Variants in A4GALT observed in about 807,000 individuals in gnomAD.
The protein encoded by A4GALT is lactosylceramide 4-alpha-galactosyltransferase.
For synonymous variants in A4GALT, 257 were observed against 220.7 expected (o/e 1.16, Z -1.46); for missense variants, 512 against 486.0 (o/e 1.05, Z -0.50).
intron 1 of A4GALT, among the ~76,000 whole-genome samples, chr22:42,720,271 C>T (rs28908470): frequency 1.6e-4 from 25 of 151,764 alleles, no homozygotes; most frequent in East Asian, 5.9e-4. Context: ...GGTCCAAATC[C>T]TCACCCTCCC....
intron 1 of A4GALT, among the ~76,000 whole-genome samples, chr22:42,700,089 TA>T (rs1931198929): frequency 6.6e-6 from 1 of 151,970 alleles, no homozygotes; most frequent in East Asian, 1.9e-4. Context: ...GCTCCCGAGG[TA>T]GGGGGCAATC....
chr22:42,716,227 C>A (rs1394325089), intron 1 of A4GALT, among the ~76,000 whole-genome samples: 1 of 152,192 alleles, frequency 6.6e-6, no homozygotes, highest in Non-Finnish European at 1.5e-5. Context: ...ACCACAGGCT[C>A]TCCCAGGGCA....
rs981413637 is a variant in A4GALT, at chr22:42,692,395, G to A, written c.*495C>T. ...TCCCTGTTGACCTCCCCCACCCCCC[G>A]CGAAAGAGGAACCAAAACCAGAAAA... On this transcript the variant is annotated 3_prime_UTR_variant, in exon 3 of 3. Transcript: ENST00000642412. The surrounding 1 kb of genome is among the most constrained non-coding windows in gnomAD (Gnocchi z 4.6). The A allele has an allele frequency of 9.4e-5, 20 of 212,476 alleles. No homozygotes were observed. Among genetic ancestry groups the A allele is most frequent in the South Asian group, 2.6e-4 (5 of 19,048 alleles). 13.2% of individuals were successfully genotyped at this position (212,476 alleles called of 1,614,324 possible). A position where few individuals can be genotyped will look rare whatever the true frequency, so the allele number is the denominator to read the frequency against.
At chr22:42,709,154 CAA>C (rs1921452561) in intron 1 of A4GALT, among the ~76,000 whole-genome samples, 1 of 150,498 alleles carries the variant, frequency 6.6e-6, no homozygotes. Flanking sequence ...TTTCCAGGCT[CAA>C]GTACATGATC....
chr22:42,694,022 C>T (rs1930737402), intron 2 of A4GALT, 25 bp from the exon 3 acceptor site: 6 of 1,363,932 alleles, frequency 4.4e-6, no homozygotes, highest in Non-Finnish European at 6.1e-6. Flanking sequence ...CACCCGCCAT[C>T]AGGGAGGCCG....
At position 42,693,392 on chromosome 22, in the gene A4GALT, C is replaced by T. The variant is rs28940572; in HGVS notation, c.560G>A (p.Gly187Asp). Reference sequence around the variant, plus strand: ...GAAGTCCGTGTCCAGGTAGATGCCGCCGAACTTCCACATGAGTGCGATCCT... The same window carrying T: ...GAAGTCCGTGTCCAGGTAGATGCCGTCGAACTTCCACATGAGTGCGATCCT... ...ASRIALMWKFGGIYLDTDFIV... is the reference protein window; with the variant it reads ...ASRIALMWKFDGIYLDTDFIV... The change falls in exon 3 of 3, where the codon GGC (glycine) becomes GAC (aspartate). Residue 187 changes from glycine to aspartate, a missense_variant. Transcript: ENST00000642412. 1.2e-6 allele frequency: 2 copies of T among 1,613,356 alleles called. No individual in the cohort carries two copies. Among genetic ancestry groups the T allele is most frequent in the Non-Finnish European group, 1.7e-6 (2 of 1,180,000 alleles).
chr22:42,693,164 G>T lies in A4GALT; in HGVS notation c.788C>A (p.Ser263Tyr). 1 of 1,597,944 alleles carries T rather than the reference G, an allele frequency of 6.3e-7. No individual in the cohort carries two copies. Reference protein sequence around the residue: ...LLTRVFKKWCSIRSLAESRAC... With the variant: ...LLTRVFKKWCYIRSLAESRAC... ...GCGGCTCTCGGCCAGGCTGCGGATG[G>T]AACACCACTTCTTGAAGACCCGCGT... is the stretch of plus-strand genomic sequence containing the variant. Residue 263 changes from serine (S) to tyrosine (Y), a missense_variant, in exon 3 of 3, where the codon TCC (serine) becomes TAC (tyrosine). Coordinates refer to ENST00000642412, the MANE Select transcript of A4GALT (RefSeq NM_017436.7).
Position 42,693,726 on chromosome 22 carries a change from G to C in A4GALT, c.226C>G (p.Pro76Ala). The C allele has an allele frequency of 6.8e-7, 1 of 1,474,616 alleles. No individual in the cohort carries two copies. The highest frequency in any genetic ancestry group is 9.3e-7 in the Non-Finnish European group (1 of 1,071,590). The allele number at this position is 1,474,616 out of a possible 1,614,324, so 91.3% of individuals were successfully genotyped here. ...GTCTCCAGGAAGAAGATGTTGCCTG[G>C]AGTGGGGCCGTGGGAGGGTGGGGTG... ...PPTPPSHGPTPGNIFFLETSD... is the reference protein window; with the variant it reads ...PPTPPSHGPTAGNIFFLETSD... The change falls in exon 3 of 3, where the codon CCA (proline) becomes GCA (alanine). Residue 76 changes from proline to alanine, a missense_variant. Transcript: ENST00000642412.
At chr22:42,701,511 G>A (rs1023298019) in intron 1 of A4GALT, among the ~76,000 whole-genome samples, 6 of 152,150 alleles carry the variant, frequency 3.9e-5, no homozygotes, top group Non-Finnish European at 8.8e-5. Context: ...TGCTCCCGCC[G>A]CAGCAGGAGA....
At chr22:42,696,118 T>G in intron 1 of A4GALT, among the ~76,000 whole-genome samples, 1 of 21,420 alleles carries the variant, frequency 4.7e-5, no homozygotes, top group African/African-American at 3.2e-4. Flanking sequence ...CCAGACTCTA[T>G]CTCAAAAAAA....
At chr22:42,714,892 A>C (rs1463906123) in intron 1 of A4GALT, among the ~76,000 whole-genome samples, 1 of 152,192 alleles carries the variant, frequency 6.6e-6, no homozygotes, top group East Asian at 1.9e-4. Context: ...TGCTGCTCTG[A>C]AAAGGGGACA....
chr22:42,706,144 A>G (rs1360130330), intron 1 of A4GALT, among the ~76,000 whole-genome samples: 1 of 80,924 alleles, frequency 1.2e-5, no homozygotes, highest in African/African-American at 3.3e-5. Flanking sequence ...TCACGAGGTC[A>G]GGAGATCGAG....
rs549273376 is a variant in A4GALT at position 42,693,158 on chromosome 22, C to T, written c.794G>A (p.Arg265His). Residue 265 changes from arginine to histidine, a missense_variant, in exon 3 of 3, where the codon CGC becomes CAC. Coordinates refer to ENST00000642412, the MANE Select transcript of A4GALT (RefSeq NM_017436.7). ...GCAGGCGCGGCTCTCGGCCAGGCTGCGGATGGAACACCACTTCTTGAAGAC... is the reference window on the plus strand; with the variant it reads ...GCAGGCGCGGCTCTCGGCCAGGCTGTGGATGGAACACCACTTCTTGAAGAC... Reference protein sequence around the residue: ...TRVFKKWCSIRSLAESRACRG... With the variant: ...TRVFKKWCSIHSLAESRACRG... The T allele has an allele frequency of 1.3e-5, 20 of 1,597,478 alleles. No individual in the cohort carries two copies. The highest frequency in any genetic ancestry group is 1.7e-4 in the Middle Eastern group (1 of 6,042).
intron 1 of A4GALT, among the ~76,000 whole-genome samples, chr22:42,717,250 C>T (rs1217504705): frequency 6.6e-6 from 1 of 152,138 alleles, no homozygotes; most frequent in Non-Finnish European, 1.5e-5. Flanking sequence ...AACAGAGCCT[C>T]GGAGAGAAGA....
intron 1 of A4GALT, among the ~76,000 whole-genome samples, chr22:42,709,506 G>C (rs538982373): frequency 2.1e-4 from 32 of 152,016 alleles, no homozygotes; most frequent in African/African-American, 7.5e-4. Context: ...AAATTAAATG[G>C]AGGCCAAGTA....
chr22:42,702,278 G>C lies in A4GALT; in HGVS notation c.-187-6647C>G, dbSNP rs554407638. 1.3e-4 allele frequency among the ~76,000 whole-genome samples: 20 copies of C among 151,686 alleles called. No individual in the cohort carries two copies. In the South Asian group the frequency reaches 2.5e-3, roughly 19 times the overall value. On this transcript the variant is annotated intron_variant, in intron 1 of 2. Transcript: ENST00000642412. ...ACTGAAGGCACCTAGATGTGCAGCC[G>C]CTGTTGAGGACTTGTGTCCCCCCCC...
chr22:42,713,827 AAAAGACAGAC>A (rs1364303070), intron 1 of A4GALT, among the ~76,000 whole-genome samples: 15 of 120,938 alleles, frequency 1.2e-4, no homozygotes, highest in Non-Finnish European at 2.8e-4. Context: ...AAAAAAAAAA[AAAAGACAGAC>A]AGACAGACAG....
At chr22:42,700,220 G>C (rs1931209056) in intron 1 of A4GALT, among the ~76,000 whole-genome samples, 1 of 152,196 alleles carries the variant, frequency 6.6e-6, no homozygotes, top group South Asian at 2.1e-4. Context: ...AGTCCTAAGG[G>C]GCAGGGGCTC....
At chr22:42,697,857 C>T (rs943023599) in intron 1 of A4GALT, among the ~76,000 whole-genome samples, 4 of 152,180 alleles carry the variant, frequency 2.6e-5, no homozygotes, top group African/African-American at 9.7e-5. Flanking sequence ...TCCCAGTTAG[C>T]CTGTTACTGT....
Sources: allele counts gnomAD v4.1 joint callset (sites outside exome capture counted in the v4.1 genomes callset), GRCh38; gene constraint gnomAD v4.1.1; non-coding constraint Gnocchi (gnomAD v3.1); transcripts MANE v1.5; gene names NCBI Gene and HGNC (gene_info 2026-07-23, HGNC 2026-07-21).